EPSTI1: variants seen among roughly 807,000 people sequenced by gnomAD.
EPSTI1 encodes the protein epithelial-stromal interaction protein 1.
In EPSTI1, 66 loss-of-function variants were observed where a neutral mutation model predicts 49.9. The ratio of observed to expected loss-of-function variants is 1.32; its 90% CI spans 1.08 to 1.62. EPSTI1 has a LOEUF of 1.62. EPSTI1 is among the 40% of genes most tolerant of loss of function. EPSTI1 has a pLI of 0.00. For synonymous variants in EPSTI1, 137 were observed against 130.7 expected (o/e 1.05, Z -0.33); for missense variants, 394 against 365.5 (o/e 1.08, Z -0.64).
intron 9 of EPSTI1, among the ~76,000 whole-genome samples, 194 bp downstream of exon 9, chr13:42,900,116 G>A (rs1407664337): frequency 1.3e-5 from 2 of 152,164 alleles, no homozygotes; most frequent in Non-Finnish European, 2.9e-5. Context: ...ATGCACATAT[G>A]TACACACGTG....
chr13:42,947,779 C>T (rs920868436), intron 6 of EPSTI1, among the ~76,000 whole-genome samples: 5 of 152,158 alleles, frequency 3.3e-5, no homozygotes, highest in African/African-American at 1.2e-4. Flanking sequence ...CTTTCTGTTG[C>T]CCAAATGTGG....
chr13:42,946,515 G>A lies in EPSTI1; in HGVS notation c.563+7433C>T, dbSNP rs148613664. ...CTACCCTACAGTAAGTTTAATTACG[G>A]TACTAATCCATGTTGGGTCTGGGAA... is the stretch of plus-strand genomic sequence containing the variant. On this transcript the variant is annotated intron_variant, in intron 6 of 10. Transcript: ENST00000313624. 1.6e-4 allele frequency among the ~76,000 whole-genome samples: 25 copies of A among 152,286 alleles called. No homozygotes were observed. In the East Asian group the frequency reaches 4.8e-3, roughly 29 times the overall value.
chr13:42,902,221 TTC>T (rs2037381684), intron 8 of EPSTI1, among the ~76,000 whole-genome samples: 1 of 144,736 alleles, frequency 6.9e-6, no homozygotes, highest in Non-Finnish European at 1.6e-5. Context: ...CCCATCGTCA[TTC>T]TCTTACAACT....
Position 42,917,644 on chromosome 13 carries a change from A to G in EPSTI1, c.658-20T>C, listed in dbSNP as rs1379444427. ...TCTGGCCTGTAAAGGTACAAAGAGAAAAAAAAAAAAAAAAACAACTTGATA... is the reference window on the plus strand; with the variant it reads ...TCTGGCCTGTAAAGGTACAAAGAGAGAAAAAAAAAAAAAAACAACTTGATA... On this transcript the variant is annotated intron_variant, in intron 7 of 10. Transcript: ENST00000313624. 5 of 1,407,694 alleles carry G rather than the reference A, an allele frequency of 3.6e-6. No individual in the cohort carries two copies. Among genetic ancestry groups the G allele is most frequent in the South Asian group, 1.3e-5 (1 of 77,768 alleles). The allele number at this position is 1,407,694 out of a possible 1,614,324, so 87.2% of individuals were successfully genotyped here.
At chr13:42,900,267 A>G in intron 9 of EPSTI1, 43 bp downstream of exon 9, 1 of 1,529,680 alleles carries the variant, frequency 6.5e-7, no homozygotes, top group Non-Finnish European at 9.1e-7. Context: ...CTTTCTAGGT[A>G]ATTGATTTAA....
intron 6 of EPSTI1, among the ~76,000 whole-genome samples, chr13:42,941,342 C>T (rs1034480370): frequency 2.6e-5 from 4 of 152,116 alleles, no homozygotes; most frequent in Admixed American, 1.3e-4. Context: ...GATTACAATG[C>T]CAATAACAGT....
chr13:42,926,295 T>A (rs750413747), intron 7 of EPSTI1, 41 bp downstream of exon 7: 1 of 1,159,414 alleles, frequency 8.6e-7, no homozygotes, highest in South Asian at 1.2e-5. Flanking sequence ...AATACCTCTA[T>A]AAAATGTGCC....
intron 10 of EPSTI1, 94 bp from the exon 11 acceptor site, chr13:42,888,596 T>C (rs1264322176): frequency 7.6e-7 from 1 of 1,314,536 alleles, no homozygotes; most frequent in Non-Finnish European, 1.0e-6. Context: ...AGAACGCTCT[T>C]ATGCATCAAG....
intron 5 of EPSTI1, among the ~76,000 whole-genome samples, chr13:42,959,550 T>A (rs2039379843): frequency 6.6e-6 from 1 of 152,246 alleles, no homozygotes; most frequent in Admixed American, 6.5e-5. Flanking sequence ...CATGTACCTG[T>A]ATGCAGCTCT....
chr13:42,984,551 T>C (rs555251006), intron 1 of EPSTI1, among the ~76,000 whole-genome samples: 15 of 152,352 alleles, frequency 9.8e-5, no homozygotes, highest in Non-Finnish European at 1.6e-4. Context: ...CACTAAATAG[T>C]GATATTGATA....
At chr13:42,980,118 A>C (rs565764581) in intron 1 of EPSTI1, among the ~76,000 whole-genome samples, 7 of 152,238 alleles carry the variant, frequency 4.6e-5, no homozygotes, top group Non-Finnish European at 8.8e-5. Flanking sequence ...TCATGATTCG[A>C]TTAGGTTAAA....
chr13:42,916,840 C>T (rs2037843940), intron 8 of EPSTI1, among the ~76,000 whole-genome samples: 1 of 152,170 alleles, frequency 6.6e-6, no homozygotes, highest in South Asian at 2.1e-4. Context: ...TAAAGTGGCA[C>T]TTTGGAGCTA....
intron 10 of EPSTI1, among the ~76,000 whole-genome samples, chr13:42,892,317 A>G (rs2037060654): frequency 6.6e-6 from 1 of 152,222 alleles, no homozygotes; most frequent in African/African-American, 2.4e-5. Context: ...AACAGACTGT[A>G]GGTAAGTAAT....
intron 10 of EPSTI1, among the ~76,000 whole-genome samples, chr13:42,888,744 T>C (rs1347465208): frequency 6.6e-6 from 1 of 152,220 alleles, no homozygotes; most frequent in East Asian, 1.9e-4. Context: ...TTATTGGCTG[T>C]GTTCTTAGAG....
intron 3 of EPSTI1, among the ~76,000 whole-genome samples, chr13:42,968,557 T>C (rs1319726478): frequency 2.6e-5 from 4 of 152,078 alleles, no homozygotes; most frequent in African/African-American, 9.7e-5. Flanking sequence ...AGACAATTCA[T>C]CACACTGGCA....
chr13:42,932,124 G>A (rs1422721846), intron 6 of EPSTI1, among the ~76,000 whole-genome samples: 2 of 87,164 alleles, frequency 2.3e-5, no homozygotes, highest in African/African-American at 3.8e-5. Context: ...TTAGAGGTGG[G>A]GTCTTGCTGT....
chr13:42,935,613 C>A (rs566035148), intron 6 of EPSTI1, among the ~76,000 whole-genome samples: 1 of 151,992 alleles, frequency 6.6e-6, no homozygotes, highest in Admixed American at 6.5e-5. Context: ...TTTTTTGAGG[C>A]AGAGTTTTGC....
At chr13:42,918,557 CA>C (rs1477780327) in intron 7 of EPSTI1, among the ~76,000 whole-genome samples, 1 of 152,212 alleles carries the variant, frequency 6.6e-6, no homozygotes, top group African/African-American at 2.4e-5. Context: ...TAACTTTTCT[CA>C]AGCACTTCTT....
chr13:42,992,223 G>A lies in EPSTI1; in HGVS notation c.-58C>T, dbSNP rs1272444020. ...GCTGCGGGAGGGATGCGGCTGGGACGCTTAGCGAGTCTCAAGATGGGATTC... is the reference window on the plus strand; with the variant it reads ...GCTGCGGGAGGGATGCGGCTGGGACACTTAGCGAGTCTCAAGATGGGATTC... On this transcript the variant is annotated 5_prime_UTR_variant, in exon 1 of 11. Coordinates refer to ENST00000313624, the MANE Select transcript of EPSTI1 (RefSeq NM_033255.5). The A allele has an allele frequency of 4.8e-6, 7 of 1,468,736 alleles. No individual in the cohort carries two copies. In the East Asian group the frequency reaches 1.2e-4, roughly 25 times the overall value. The allele number at this position is 1,468,736 out of a possible 1,614,324, so 91.0% of individuals were successfully genotyped here.
Sources: gnomAD v4.1 joint callset for allele counts (sites outside exome capture counted in the v4.1 genomes callset) on GRCh38, gnomAD v4.1.1 for gene constraint, MANE v1.5 for transcripts, NCBI Gene and HGNC (gene_info 2026-07-23, HGNC 2026-07-21) for gene names.